The following RRM2 variants were observed in gnomAD, a reference collection of about 807,000 sequenced individuals.
RRM2 encodes the protein ribonucleoside-diphosphate reductase subunit M2.
RRM2 carries 6 observed loss-of-function variants against 45.9 expected under a neutral mutation model. That is an observed-to-expected ratio of 0.13 (90% CI 0.07 to 0.26). The LOEUF (loss-of-function observed/expected upper bound fraction) is 0.26. Ranked by LOEUF, RRM2 falls within the 10% of genes least tolerant of loss-of-function variation. The pLI is 1.00. For synonymous variants in RRM2, 177 were observed against 173.0 expected (o/e 1.02, Z -0.18); for missense variants, 343 against 489.5 (o/e 0.70, Z 2.82).
At chr2:10,143,341 C>A (rs1373881248) in intron 3 of RRM2, among the ~76,000 whole-genome samples, 2 of 152,206 alleles carry the variant, frequency 1.3e-5, no homozygotes, top group Non-Finnish European at 2.9e-5. Flanking sequence ...AGATTAGGGG[C>A]CTCCTCAGAG....
intron 3 of RRM2, among the ~76,000 whole-genome samples, chr2:10,192,349 C>T (rs1019965702): frequency 4.6e-5 from 7 of 152,218 alleles, no homozygotes; most frequent in African/African-American, 1.4e-4. Context: ...AATCTTGTCA[C>T]GCTCAGGTGA....
At chr2:10,209,761 T>C (rs1346843320) in intron 3 of RRM2, among the ~76,000 whole-genome samples, 1 of 152,216 alleles carries the variant, frequency 6.6e-6, no homozygotes, top group African/African-American at 2.4e-5. Flanking sequence ...CCTCCCTGCA[T>C]AGCCAGAGAC....
chr2:10,122,750 C>T lies in RRM2; in HGVS notation c.-49C>T. The T allele has an allele frequency of 1.3e-6, 2 of 1,556,602 alleles. No individual in the cohort carries two copies. Among genetic ancestry groups the T allele is most frequent in the Non-Finnish European group, 1.7e-6 (2 of 1,150,194 alleles). ...GTGAGGGGTCGCCCGTGCACCCTGT[C>T]CCAGCCGTCCTGTCCTGGCTGCTCG... On this transcript the variant is annotated 5_prime_UTR_variant, in exon 1 of 10. Transcript: ENST00000304567.
At position 10,195,837 on chromosome 2, in the gene RRM2, G is replaced by A. The variant is rs112904426; in HGVS notation, n.483-14474G>A. On this transcript the variant is annotated intron_variant and non_coding_transcript_variant, in intron 3 of 3. Coordinates refer to the RRM2 transcript ENST00000381786. The surrounding 1 kb of genome is among the most constrained non-coding windows in gnomAD (Gnocchi z 4.9). ...TGGCCGATGCTGTGTTAGGATAAAC[G>A]TGCTAAGGAGGCTCTGGAAAAGAAT... is the stretch of plus-strand genomic sequence containing the variant. Among the ~76,000 whole-genome samples the A allele has an allele frequency of 6.6e-6, 1 of 152,152 alleles. No homozygotes were observed. The highest frequency in any genetic ancestry group is 1.5e-5 in the Non-Finnish European group (1 of 68,018).
chr2:10,160,365 G>A (rs1449890243), intron 3 of RRM2, among the ~76,000 whole-genome samples: 1 of 152,222 alleles, frequency 6.6e-6, no homozygotes, highest in African/African-American at 2.4e-5. Context: ...GGTCCCTGCT[G>A]CCTGCACGGA....
rs895637887 is a variant in RRM2 at position 10,195,205 on chromosome 2, A to T, written n.483-15106A>T. Reference sequence around the variant, plus strand: ...TGGAAGACCCACCGTCTGAGGGGTCATGTGACAGGTGGGCTAGGTGGGCAC... The same window carrying T: ...TGGAAGACCCACCGTCTGAGGGGTCTTGTGACAGGTGGGCTAGGTGGGCAC... On this transcript the variant is annotated intron_variant and non_coding_transcript_variant, in intron 3 of 3. Transcript: ENST00000381786. This position sits in a 1 kb window ranked among gnomAD's most constrained non-coding sequence, Gnocchi z 4.9. Among the ~76,000 whole-genome samples the T allele has an allele frequency of 5.9e-5, 9 of 152,156 alleles. No individual in the cohort carries two copies. Among genetic ancestry groups the T allele is most frequent in the African/African-American group, 1.9e-4 (8 of 41,432 alleles).
In RRM2 at chr2:10,204,643, CA is replaced by C. The variant is rs545358010; in HGVS notation, n.483-5667del. On this transcript the variant is annotated intron_variant and non_coding_transcript_variant, in intron 3 of 3. Transcript: ENST00000381786. The surrounding 1 kb of genome is among the most constrained non-coding windows in gnomAD (Gnocchi z 4.0). ...GGCCATTAGGGACAGGACGCTAATG[CA>C]TCGGCGCCCCATTGATTCTGCCTGG... 2.0e-5 allele frequency among the ~76,000 whole-genome samples: 3 copies of C among 152,392 alleles called. No homozygotes were observed. The South Asian group carries it at 6.2e-4, about 32-fold the overall frequency.
At chr2:10,142,526 C>A (rs1438650226) in intron 3 of RRM2, 2 of 752,584 alleles carry the variant, frequency 2.7e-6, no homozygotes, top group East Asian at 5.7e-5. Flanking sequence ...CAGCCTCTGC[C>A]GTTCTACGTG....
At chr2:10,183,962 A>G (rs1664110997) in intron 3 of RRM2, among the ~76,000 whole-genome samples, 1 of 151,822 alleles carries the variant, frequency 6.6e-6, no homozygotes, top group African/African-American at 2.4e-5. Flanking sequence ...GCGTGATGGC[A>G]GGCGCCTGTA....
rs945117817 is a variant in RRM2 at position 10,205,703 on chromosome 2, T to A, written n.483-4608T>A. Among the ~76,000 whole-genome samples the A allele has an allele frequency of 1.3e-5, 2 of 152,056 alleles. No homozygotes were observed. Among genetic ancestry groups the A allele is most frequent in the Non-Finnish European group, 2.9e-5 (2 of 68,018 alleles). ...ATTTTTATTTTATTTTATTTATTTATTTTTTTGAGATGGAGTCTTGCTGTG... is the reference window on the plus strand; with the variant it reads ...ATTTTTATTTTATTTTATTTATTTAATTTTTTGAGATGGAGTCTTGCTGTG... On this transcript the variant is annotated intron_variant and non_coding_transcript_variant, in intron 3 of 3. Transcript: ENST00000381786. This position sits in a 1 kb window ranked among gnomAD's most constrained non-coding sequence, Gnocchi z 4.8.
intron 3 of RRM2, chr2:10,199,295 G>GGA (rs1664488049): frequency 7.5e-6 from 1 of 134,200 alleles, no homozygotes; most frequent in African/African-American, 2.7e-5. Context: ...AAAAGGGGGG[G>GGA]GGGAAGGAAA....
chr2:10,182,346 A>AAAACAAAC (rs1163998210), intron 3 of RRM2, among the ~76,000 whole-genome samples: 1 of 151,336 alleles, frequency 6.6e-6, no homozygotes, highest in African/African-American at 2.4e-5. Context: ...ACTCTGTCTC[A>AAAACAAAC]AAACAAACAA....
At chr2:10,164,901 C>T (rs139391798) in intron 3 of RRM2, among the ~76,000 whole-genome samples, 71 of 152,320 alleles carry the variant, frequency 4.7e-4, no homozygotes, top group African/African-American at 1.6e-3. Flanking sequence ...TCACCGACTG[C>T]GAGGGGTTCC....
rs1401415054 is a variant in RRM2, at chr2:10,204,391, ATG to A, written n.483-5915_483-5914del. Among the ~76,000 whole-genome samples, 1 of 152,144 alleles carries A rather than the reference ATG, an allele frequency of 6.6e-6. No homozygotes were observed. The highest frequency in any genetic ancestry group is 2.4e-5 in the African/African-American group (1 of 41,454). ...AGGGAAGGAGACTCCAGGGAGAGGA[ATG>A]TGTGAGAAAATGGGGAGGAGAGGGA... On this transcript the variant is annotated intron_variant and non_coding_transcript_variant, in intron 3 of 3. Coordinates refer to the RRM2 transcript ENST00000381786. The surrounding 1 kb of genome is among the most constrained non-coding windows in gnomAD (Gnocchi z 4.0).
chr2:10,176,232 G>C (rs748058924), intron 3 of RRM2, among the ~76,000 whole-genome samples: 2 of 152,124 alleles, frequency 1.3e-5, no homozygotes, highest in Admixed American at 1.3e-4. Flanking sequence ...CATATACCCA[G>C]AAGTGGAATT....
At chr2:10,147,656 C>T (rs1194977414) in intron 3 of RRM2, among the ~76,000 whole-genome samples, 1 of 152,186 alleles carries the variant, frequency 6.6e-6, no homozygotes, top group Non-Finnish European at 1.5e-5. Flanking sequence ...TTTGCATTCG[C>T]CTTGAATTCC....
chr2:10,177,705 T>TCCTTCCTTCCTTCCTC (rs1366305674), intron 3 of RRM2, among the ~76,000 whole-genome samples: 1 of 113,480 alleles, frequency 8.8e-6, no homozygotes, highest in African/African-American at 3.6e-5. Flanking sequence ...CTTCCTTCCT[T>TCCTTCCTTCCTTCCTC]CCTCTCTCCC....
chr2:10,125,184 G>T (rs1475760891), intron 5 of RRM2, among the ~76,000 whole-genome samples: 2 of 152,172 alleles, frequency 1.3e-5, no homozygotes, highest in African/African-American at 4.8e-5. Flanking sequence ...TAGAATGTGG[G>T]GCTGCAGTGG....
chr2:10,198,968 T>C (rs1259473536), intron 3 of RRM2: 1 of 152,158 alleles, frequency 6.6e-6, no homozygotes, highest in Non-Finnish European at 1.5e-5. Flanking sequence ...GGGGCTGGAT[T>C]TAGGCGGTTT....
Sources: gnomAD v4.1 joint callset for allele counts (sites outside exome capture counted in the v4.1 genomes callset) on GRCh38, gnomAD v4.1.1 for gene constraint, Gnocchi (gnomAD v3.1) non-coding constraint, MANE v1.5 for transcripts, NCBI Gene and HGNC (gene_info 2026-07-23, HGNC 2026-07-21) for gene names.